The following BCL7C variants were observed in gnomAD, a reference collection of about 807,000 sequenced individuals.
BCL7C encodes the protein B-cell CLL/lymphoma 7 protein family member C.
In BCL7C, 8 loss-of-function variants were observed where a neutral mutation model predicts 26.2. The observed-to-expected ratio is 0.30, with a 90% CI of 0.18 to 0.55. The LOEUF is 0.55. BCL7C is among the 20% of genes least tolerant of loss of function. The pLI, the probability that BCL7C is intolerant of heterozygous loss-of-function variation, is 0.93. For missense variants in BCL7C, 262 were observed against 298.5 expected (o/e 0.88, Z 0.90); for synonymous variants, 90 against 116.5 (o/e 0.77, Z 1.47).
intron 5 of BCL7C, among the ~76,000 whole-genome samples, chr16:30,862,321 C>T (rs1422238152): frequency 6.6e-6 from 1 of 152,194 alleles, no homozygotes; most frequent in Non-Finnish European, 1.5e-5. Flanking sequence ...CTTTACTATT[C>T]CTTTGCACCC....
chr16:30,871,458 G>A (rs1331259936), intron 5 of BCL7C, among the ~76,000 whole-genome samples: 3 of 152,072 alleles, frequency 2.0e-5, no homozygotes, highest in African/African-American at 7.2e-5. Flanking sequence ...TATGCATGTA[G>A]TGCTCTGAGA....
intron 5 of BCL7C, among the ~76,000 whole-genome samples, chr16:30,835,738 C>T (rs1383459012): frequency 2.7e-5 from 4 of 149,772 alleles, no homozygotes; most frequent in African/African-American, 9.8e-5. Flanking sequence ...CCCAGCTACT[C>T]GGGAGGCTGA....
At chr16:30,848,915 C>T (rs1441042057) in intron 5 of BCL7C, among the ~76,000 whole-genome samples, 23 of 146,962 alleles carry the variant, frequency 1.6e-4, no homozygotes, top group Non-Finnish European at 3.0e-4. Context: ...AGGCTGGGCG[C>T]GGTGGTTCAT....
At position 30,834,890 on chromosome 16, in the gene BCL7C, T is replaced by C; in HGVS notation, c.*58A>G. Reference sequence around the variant, plus strand: ...CCGCCCTCGGGGCACAGGTAGTGGCTGGATCTTGGGGCAGCCAAGGGAGGC... The same window carrying C: ...CCGCCCTCGGGGCACAGGTAGTGGCCGGATCTTGGGGCAGCCAAGGGAGGC... On this transcript the variant is annotated 3_prime_UTR_variant, in exon 6 of 6. Transcript: ENST00000380317. The surrounding 1 kb of genome is among the most constrained non-coding windows in gnomAD (Gnocchi z 4.3). 1.4e-6 allele frequency: 2 copies of C among 1,432,510 alleles called. No homozygotes were observed. The highest frequency in any genetic ancestry group is 9.2e-7 in the Non-Finnish European group (1 of 1,081,542). The allele number at this position is 1,432,510 out of a possible 1,614,324, so 88.7% of individuals were successfully genotyped here. A position where few individuals can be genotyped will look rare whatever the true frequency, so the allele number is the denominator to read the frequency against.
rs564218486 is a variant in BCL7C at position 30,892,869 on chromosome 16, C to T, written c.251G>A (p.Gly84Asp). Residue 84 changes from glycine to aspartate, a missense_variant, in exon 3 of 6, where the codon GGT (glycine) becomes GAT (aspartate). By Grantham distance (94) the Gly-to-Asp change is moderately conservative (BLOSUM62 -1). Transcript: ENST00000215115. Reference sequence around the variant, plus strand: ...AAGATCCAGCAGGATGAGAGGGCCACCCCCTCGGGGACTGGCGCCCCTGCC... The same window carrying T: ...AAGATCCAGCAGGATGAGAGGGCCATCCCCTCGGGGACTGGCGCCCCTGCC... ...RRGRGASPRGGGPLILLDLND... is the reference protein window; with the variant it reads ...RRGRGASPRGDGPLILLDLND... 6.2e-7 allele frequency: 1 copy of T among 1,612,982 alleles called. No homozygotes were observed. The highest frequency in any genetic ancestry group is 1.7e-5 in the Admixed American group (1 of 60,012).
rs72155482 is a variant in BCL7C at position 30,881,392 on chromosome 16, T to TCACACACACACACACACA, written c.528+7450_528+7467dup. Among the ~76,000 whole-genome samples the TCACACACACACACACACA allele has an allele frequency of 2.9e-3, 422 of 144,210 alleles. 2 individuals are homozygous for TCACACACACACACACACA. The highest frequency in any genetic ancestry group is 6.6e-3 in the African/African-American group (255 of 38,474). 94.6% of individuals were successfully genotyped at this position (144,210 alleles called of 152,430 possible). Reference sequence around the variant, plus strand: ...GCCTGGGTGACAGAGTGAGACTCCGTCACACACACACACACACACACACAC... The same window carrying TCACACACACACACACACA: ...GCCTGGGTGACAGAGTGAGACTCCGTCACACACACACACACACACACACACACACACACACACACACAC... On this transcript the variant is annotated intron_variant, in intron 5 of 5. Transcript: ENST00000380317.
chr16:30,849,983 G>A (rs1179347711), intron 5 of BCL7C, among the ~76,000 whole-genome samples: 4 of 151,844 alleles, frequency 2.6e-5, no homozygotes, highest in Admixed American at 2.6e-4. Context: ...GCCAAGGTGG[G>A]CAGATCACAA....
chr16:30,887,216 G>A (rs2055146902), downstream of BCL7C, among the ~76,000 whole-genome samples: 1 of 152,128 alleles, frequency 6.6e-6, no homozygotes, highest in South Asian at 2.1e-4. Context: ...GGCTGAGGCA[G>A]GAGACTTGCT....
intron 5 of BCL7C, among the ~76,000 whole-genome samples, chr16:30,861,857 C>CTTT (rs35135586): frequency 1.2e-3 from 83 of 68,822 alleles, no homozygotes; most frequent in Non-Finnish European, 1.6e-3. Context: ...GGACAACATG[C>CTTT]TTTTTTTTTT....
At chr16:30,871,760 C>G (rs998475337) in intron 5 of BCL7C, among the ~76,000 whole-genome samples, 5 of 152,160 alleles carry the variant, frequency 3.3e-5, no homozygotes, top group African/African-American at 4.8e-5. Flanking sequence ...GCTGGGATTA[C>G]AGGTGTGAGC....
intron 5 of BCL7C, among the ~76,000 whole-genome samples, chr16:30,855,606 T>C (rs2054713897): frequency 6.6e-6 from 1 of 152,176 alleles, no homozygotes; most frequent in Admixed American, 6.5e-5. Context: ...TAATAGCTTC[T>C]GTCACTTTGT....
chr16:30,861,787 G>A (rs2054775105), intron 5 of BCL7C, among the ~76,000 whole-genome samples: 1 of 150,560 alleles, frequency 6.6e-6, no homozygotes, highest in African/African-American at 2.4e-5. Flanking sequence ...CGTAACTGTT[G>A]TGGGTATTCA....
At chr16:30,881,043 G>T (rs193125850) in intron 5 of BCL7C, among the ~76,000 whole-genome samples, 2 of 152,174 alleles carry the variant, frequency 1.3e-5, no homozygotes, top group South Asian at 2.1e-4. Flanking sequence ...TTACTATATA[G>T]ATATTTTACA....
chr16:30,849,975 C>T (rs749730241), intron 5 of BCL7C, among the ~76,000 whole-genome samples: 3 of 151,734 alleles, frequency 2.0e-5, no homozygotes, highest in East Asian at 1.9e-4. Context: ...TTTGGGAGGC[C>T]AAGGTGGGCA....
At chr16:30,854,343 G>A (rs1030570357) in intron 5 of BCL7C, among the ~76,000 whole-genome samples, 4 of 152,166 alleles carry the variant, frequency 2.6e-5, no homozygotes, top group African/African-American at 9.7e-5. Context: ...CTTGGAAGAG[G>A]AGCTAGGTCA....
chr16:30,864,737 A>G (rs2054809169), intron 5 of BCL7C, among the ~76,000 whole-genome samples: 2 of 152,206 alleles, frequency 1.3e-5, no homozygotes, highest in South Asian at 4.1e-4. Flanking sequence ...GATGGCCTGA[A>G]GCAACTGAAG....
chr16:30,856,212 C>T (rs556854191), intron 5 of BCL7C, among the ~76,000 whole-genome samples: 35 of 151,624 alleles, frequency 2.3e-4, no homozygotes, highest in African/African-American at 7.3e-4. Context: ...GAGGCTGAGG[C>T]GGGCGGATCA....
intron 4 of BCL7C, among the ~76,000 whole-genome samples, chr16:30,891,186 A>AG (rs2055224556): frequency 6.8e-6 from 1 of 148,066 alleles, no homozygotes; most frequent in African/African-American, 2.5e-5. Flanking sequence ...AAAAAAAAAA[A>AG]GGCTGGGCGT....
At chr16:30,886,986 A>C (rs1596620495), downstream of BCL7C, among the ~76,000 whole-genome samples, 1 of 152,200 alleles carries the variant, frequency 6.6e-6, no homozygotes, top group Admixed American at 6.5e-5. Context: ...CAGCCTGGGC[A>C]ATGTAGCGAG....
Sources: allele counts gnomAD v4.1 joint callset (sites outside exome capture counted in the v4.1 genomes callset), GRCh38; gene constraint gnomAD v4.1.1; non-coding constraint Gnocchi (gnomAD v3.1); transcripts MANE v1.5; gene names NCBI Gene and HGNC (gene_info 2026-07-23, HGNC 2026-07-21).